EPM2A: variants seen among roughly 807,000 people sequenced by gnomAD.
EPM2A encodes the protein laforin.
In EPM2A, 21 loss-of-function variants were observed where a neutral mutation model predicts 26.5. That is an observed-to-expected ratio of 0.79 (90% CI 0.56 to 1.14). EPM2A has a LOEUF of 1.14. Ranked by LOEUF, EPM2A falls within the 50% of genes most tolerant of loss-of-function variation. EPM2A has a pLI of 0.00. For synonymous variants in EPM2A, 217 were observed against 177.6 expected (o/e 1.22, Z -1.76); for missense variants, 458 against 440.8 (o/e 1.04, Z -0.35).
At chr6:145,620,275 T>G (rs1170964764) in intron 2 of EPM2A, among the ~76,000 whole-genome samples, 3 of 152,166 alleles carry the variant, frequency 2.0e-5, no homozygotes, top group Non-Finnish European at 4.4e-5. Flanking sequence ...CCTAGATCCC[T>G]CGCATGTGCA....
intron 1 of EPM2A, among the ~76,000 whole-genome samples, chr6:145,697,246 C>T (rs1781647784): frequency 6.6e-6 from 1 of 151,936 alleles, no homozygotes; most frequent in Non-Finnish European, 1.5e-5. Context: ...TCCGTGATGC[C>T]CCCGGAGCCG....
intron 4 of EPM2A, among the ~76,000 whole-genome samples, chr6:145,460,750 G>A (rs940183513): frequency 3.3e-5 from 5 of 152,064 alleles, no homozygotes; most frequent in African/African-American, 1.2e-4. Flanking sequence ...TACACTACTT[G>A]GGTTCTAAGG....
chr6:145,490,678 C>A (rs1238047294), intron 4 of EPM2A: 1 of 605,116 alleles, frequency 1.7e-6, no homozygotes, highest in Non-Finnish European at 3.2e-6. Flanking sequence ...TGATTTCATG[C>A]GTTCCTTCAA....
intron 4 of EPM2A, among the ~76,000 whole-genome samples, chr6:145,385,699 A>T (rs1042263316): frequency 2.0e-5 from 3 of 152,090 alleles, no homozygotes; most frequent in Non-Finnish European, 4.4e-5. Flanking sequence ...GTCTTAAAAA[A>T]CCTTCATCGT....
At chr6:145,692,281 A>C (rs73006478) in intron 1 of EPM2A, among the ~76,000 whole-genome samples, 1 of 152,138 alleles carries the variant, frequency 6.6e-6, no homozygotes, top group Non-Finnish European at 1.5e-5. Context: ...TAAGACCTCA[A>C]CACCTCACCC....
At chr6:145,705,203 C>T (rs1782148035) in intron 1 of EPM2A, among the ~76,000 whole-genome samples, 1 of 152,144 alleles carries the variant, frequency 6.6e-6, no homozygotes, top group African/African-American at 2.4e-5. Flanking sequence ...AATCCCAGCA[C>T]TTTGGGAGGT....
At chr6:145,429,391 T>A (rs1221921181) in intron 4 of EPM2A, among the ~76,000 whole-genome samples, 2 of 152,202 alleles carry the variant, frequency 1.3e-5, no homozygotes, top group African/African-American at 2.4e-5. Flanking sequence ...TTTGCTTCCA[T>A]ATCTCCTGCA....
At chr6:145,729,498 G>C (rs1776376097) in intron 1 of EPM2A, among the ~76,000 whole-genome samples, 1 of 152,252 alleles carries the variant, frequency 6.6e-6, no homozygotes, top group Admixed American at 6.5e-5. Context: ...GGAGTCAAAA[G>C]AGATTATTTT....
At chr6:145,570,171 AG>A (rs923029705) in intron 2 of EPM2A, among the ~76,000 whole-genome samples, 5 of 152,262 alleles carry the variant, frequency 3.3e-5, no homozygotes, top group African/African-American at 1.2e-4. Context: ...AATCTCCTTT[AG>A]GGACACCCTC....
chr6:145,588,239 C>A (rs1364326277), intron 2 of EPM2A, among the ~76,000 whole-genome samples: 1 of 152,050 alleles, frequency 6.6e-6, no homozygotes, highest in Admixed American at 6.6e-5. Flanking sequence ...GTTTAACATT[C>A]TTTAATATTG....
At chr6:145,525,258 T>TA (rs1780255543) in intron 2 of EPM2A, among the ~76,000 whole-genome samples, 1 of 148,070 alleles carries the variant, frequency 6.8e-6, no homozygotes, top group Non-Finnish European at 1.5e-5. Context: ...TTTATTTATT[T>TA]TTTGCTTAGT....
chr6:145,701,914 C>A (rs6901864), intron 1 of EPM2A, among the ~76,000 whole-genome samples: 94,412 of 151,484 alleles, frequency 0.62, 29,744 homozygotes, highest in East Asian at 0.74. Flanking sequence ...CACACACACA[C>A]AAAAAAAGCG....
chr6:145,664,890 G>C (rs1779046731), intron 2 of EPM2A, among the ~76,000 whole-genome samples: 1 of 150,520 alleles, frequency 6.6e-6, no homozygotes. Context: ...CATGGAAACT[G>C]AACAACCTGC....
chr6:145,579,425 A>G (rs1184170460), intron 2 of EPM2A, among the ~76,000 whole-genome samples: 1 of 152,168 alleles, frequency 6.6e-6, no homozygotes, highest in Non-Finnish European at 1.5e-5. Context: ...ATTGCCCCTG[A>G]TATCATTATG....
At chr6:145,594,396 T>C (rs899468677) in intron 2 of EPM2A, among the ~76,000 whole-genome samples, 2 of 151,932 alleles carry the variant, frequency 1.3e-5, no homozygotes, top group African/African-American at 4.8e-5. Context: ...ATGATACTAA[T>C]TTCCCATAAC....
intron 2 of EPM2A, among the ~76,000 whole-genome samples, chr6:145,535,845 A>C (rs1289056095): frequency 6.6e-6 from 1 of 152,130 alleles, no homozygotes; most frequent in Non-Finnish European, 1.5e-5. Flanking sequence ...TCACTTTGTG[A>C]ATTTACCTTT....
At chr6:145,457,662 C>T (rs1779279196) in intron 4 of EPM2A, among the ~76,000 whole-genome samples, 1 of 152,010 alleles carries the variant, frequency 6.6e-6, no homozygotes, top group Admixed American at 6.6e-5. Flanking sequence ...CCAATCAGAA[C>T]CCAGAGGCCA....
chr6:145,405,462 T>A (rs138772835), intron 4 of EPM2A, among the ~76,000 whole-genome samples: 4 of 152,132 alleles, frequency 2.6e-5, no homozygotes, highest in African/African-American at 9.7e-5. Context: ...GAGTTAAATA[T>A]AAAATTTAAA....
chr6:145,735,441 G>T lies in EPM2A; in HGVS notation c.58C>A (p.Leu20Met). 8.0e-7 allele frequency: 1 copy of T among 1,249,066 alleles called. No individual in the cohort carries two copies. Among genetic ancestry groups the T allele is most frequent in the Admixed American group, 3.3e-5 (1 of 30,462 alleles). The allele number at this position is 1,249,066 out of a possible 1,614,324, so 77.4% of individuals were successfully genotyped here. ...PPAVAGARPELLVVGSRPELG... is the reference protein window; with the variant it reads ...PPAVAGARPEMLVVGSRPELG... ...TCGGGCCGCGACCCCACCACCAGCA[G>T]CTCCGGCCGGGCGCCGGCCACGGCG... is the stretch of plus-strand genomic sequence containing the variant. The change falls in exon 1 of 4, where the codon CTG becomes ATG. Residue 20 changes from leucine (L) to methionine (M), a missense_variant. Physicochemically the swap from Leu to Met is conservative, Grantham distance 15. Coordinates refer to ENST00000367519, the MANE Select transcript of EPM2A (RefSeq NM_005670.4).
Sources: gnomAD v4.1 joint callset for allele counts (sites outside exome capture counted in the v4.1 genomes callset) on GRCh38, gnomAD v4.1.1 for gene constraint, MANE v1.5 for transcripts, NCBI Gene and HGNC (gene_info 2026-07-23, HGNC 2026-07-21) for gene names.